Variants in NAA38 observed in about 807,000 individuals in gnomAD.
NAA38 encodes the protein N-alpha-acetyltransferase 38, NatC auxiliary subunit.
In NAA38, 15 loss-of-function variants were observed where a neutral mutation model predicts 12.6. The observed-to-expected ratio is 1.19, with a 90% CI of 0.79 to 1.83. NAA38 has a LOEUF of 1.83. NAA38 is among the 40% of genes most tolerant of loss of function. The pLI, the probability that NAA38 is intolerant of heterozygous loss-of-function variation, is 0.00. For missense variants in NAA38, 183 were observed against 171.7 expected (o/e 1.07, Z -0.37); for synonymous variants, 88 against 69.9 (o/e 1.26, Z -1.29).
rs147829986 is a variant in NAA38, at chr17:7,870,475, C to CA, written c.-65-3918dup. Among the ~76,000 whole-genome samples, 2,474 of 152,184 alleles carry CA rather than the reference C, an allele frequency of 0.016. 133 individuals carry two copies. The East Asian group carries it at 0.2, about 12-fold the overall frequency. ...TAAAATCTTTTAATCAATTAAAAAA[C>CA]AAAAAATCTTTTAATCGAAAAGATA... On this transcript the variant is annotated intron_variant, in intron 2 of 4. Coordinates refer to the NAA38 transcript ENST00000576861.
intron 2 of NAA38, among the ~76,000 whole-genome samples, chr17:7,880,301 G>A (rs532522327): frequency 6.3e-4 from 96 of 151,852 alleles, no homozygotes; most frequent in African/African-American, 2.1e-3. Context: ...AAGTAAGAGA[G>A]GGAAAGAGGG....
At chr17:7,867,194 G>A (rs185959574) in intron 2 of NAA38, among the ~76,000 whole-genome samples, 62 of 152,252 alleles carry the variant, frequency 4.1e-4, no homozygotes, top group African/African-American at 1.5e-3. Context: ...GGGAGGCGGG[G>A]GAGGGAAGCC....
At chr17:7,882,200 C>T (rs1447628959) in intron 2 of NAA38, among the ~76,000 whole-genome samples, 1 of 152,124 alleles carries the variant, frequency 6.6e-6, no homozygotes, top group Non-Finnish European at 1.5e-5. Flanking sequence ...CAGATCATGG[C>T]ACATGTGGCA....
intron 1 of NAA38, chr17:7,885,025 C>A: frequency 8.6e-7 from 1 of 1,161,150 alleles, no homozygotes; most frequent in Non-Finnish European, 1.1e-6. Context: ...GCCACCTCTT[C>A]CCGCCGCCGC....
intron 3 of NAA38, chr17:7,863,695 T>C (rs1020479141): frequency 2.9e-4 from 44 of 152,126 alleles, no homozygotes; most frequent in African/African-American, 1.0e-3. Flanking sequence ...TTTTGGAAAA[T>C]GGTGCTATAA....
intron 2 of NAA38, among the ~76,000 whole-genome samples, chr17:7,881,888 ACAGACAAC>A (rs1967278851): frequency 6.6e-6 from 1 of 151,460 alleles, no homozygotes; most frequent in African/African-American, 2.4e-5. Context: ...AGAGAAGCAG[ACAGACAAC>A]CAGAGAGGAA....
At chr17:7,870,049 G>T (rs372997851) in intron 2 of NAA38, among the ~76,000 whole-genome samples, 2 of 152,166 alleles carry the variant, frequency 1.3e-5, no homozygotes, top group South Asian at 2.1e-4. Flanking sequence ...AAAAAGTTTG[G>T]TTTTTGCCAT....
intron 3 of NAA38, chr17:7,865,435 G>A (rs1401561250): frequency 6.6e-6 from 1 of 152,232 alleles, no homozygotes; most frequent in Non-Finnish European, 1.5e-5. Context: ...GTAGGGCTCA[G>A]CAGGGACAGC....
chr17:7,857,042 A>C lies in NAA38; in HGVS notation c.238T>G (p.Ser80Ala). The change falls in exon 2 of 3, where the codon TCG (serine) becomes GCG (alanine). Residue 80 changes from serine to alanine, a missense_variant. Coordinates refer to ENST00000575771, the MANE Select transcript of NAA38 (RefSeq NM_001320925.4). ...TDRDCNVILG[S>A]AQEFLKPSDS... ...GACGGCTTGAGGAACTCCTGCGCCG[A>C]GCCCAGGATGACATTGCAGTCACGG... The C allele has an allele frequency of 1.9e-6, 3 of 1,611,632 alleles. No individual in the cohort carries two copies. Among genetic ancestry groups the C allele is most frequent in the Non-Finnish European group, 2.5e-6 (3 of 1,178,572 alleles).
intron 3 of NAA38, chr17:7,865,920 TACTG>T (rs1369253140): frequency 6.6e-6 from 1 of 152,140 alleles, no homozygotes; most frequent in African/African-American, 2.4e-5. Context: ...ATTAAAATGA[TACTG>T]AGCATCTGTC....
intron 1 of NAA38, chr17:7,884,859 C>A: frequency 1.7e-6 from 2 of 1,155,262 alleles, no homozygotes; most frequent in Non-Finnish European, 2.3e-6. Context: ...ATGGTGGTGT[C>A]GGAGGAGGAA....
chr17:7,867,250 C>T (rs891921057), intron 2 of NAA38, among the ~76,000 whole-genome samples: 5 of 151,656 alleles, frequency 3.3e-5, no homozygotes, highest in African/African-American at 1.2e-4. Flanking sequence ...GCTTTGTAAA[C>T]CAGGTTAAGT....
rs543519580 is a variant in NAA38, at chr17:7,880,886, G to A, written c.-66+2349C>T. 5.4e-4 allele frequency among the ~76,000 whole-genome samples: 82 copies of A among 152,228 alleles called. 3 individuals are homozygous for A. The South Asian group carries it at 0.014, about 27-fold the overall frequency. ...CACTCCTCAAGTACTGGTAGTGAAC[G>A]CATGCAACCAGTAACTAGTCAATCC... On this transcript the variant is annotated intron_variant, in intron 2 of 4. Transcript: ENST00000576861.
chr17:7,859,217 G>T, upstream of NAA38: 1 of 621,972 alleles, frequency 1.6e-6, no homozygotes, highest in Non-Finnish European at 2.8e-6. Context: ...AAGATCTGTA[G>T]GACTTTAGGG....
At chr17:7,884,745 T>A (rs1194923251) in intron 1 of NAA38, 16 of 79,032 alleles carry the variant, frequency 2.0e-4, no homozygotes, top group Admixed American at 1.6e-3. Flanking sequence ...GTGGTGGTGG[T>A]AGCGGTGGGG....
At chr17:7,858,923 A>T, upstream of NAA38, 1 of 1,158,238 alleles carries the variant, frequency 8.6e-7, no homozygotes. Context: ...AACCGGTGGG[A>T]GTGTATTTTC....
intron 2 of NAA38, among the ~76,000 whole-genome samples, chr17:7,879,386 G>A (rs1162163893): frequency 1.5e-4 from 23 of 151,808 alleles, no homozygotes. Flanking sequence ...TTTTAACCTG[G>A]GGTCCAAGAC....
chr17:7,885,009 C>T, intron 1 of NAA38: 2 of 1,234,248 alleles, frequency 1.6e-6, no homozygotes, highest in East Asian at 3.2e-5. Flanking sequence ...CACAGCCCCC[C>T]CGGCTGCCAC....
chr17:7,872,165 TTA>T (rs1354818730), intron 2 of NAA38, among the ~76,000 whole-genome samples: 2 of 152,208 alleles, frequency 1.3e-5, no homozygotes, highest in South Asian at 4.1e-4. Context: ...TCTTTTAACT[TTA>T]TGTTTTCTTA....
Sources: gnomAD v4.1 joint callset for allele counts (sites outside exome capture counted in the v4.1 genomes callset) on GRCh38, gnomAD v4.1.1 for gene constraint, MANE v1.5 for transcripts, NCBI Gene and HGNC (gene_info 2026-07-23, HGNC 2026-07-21) for gene names.